SLC35F5: variants seen among roughly 807,000 people sequenced by gnomAD.
SLC35F5 encodes the protein HCV NS5A-transactivated protein 3.
Under a neutral mutation model 68.6 loss-of-function variants are expected in SLC35F5, and 54 were observed. The observed-to-expected ratio is 0.79, with a 90% CI of 0.63 to 0.99. The LOEUF (loss-of-function observed/expected upper bound fraction) is 0.99. Ranked by LOEUF, SLC35F5 falls within the 50% of genes least tolerant of loss-of-function variation. The pLI, the probability that SLC35F5 is intolerant of heterozygous loss-of-function variation, is 0.00. For synonymous variants in SLC35F5, 211 were observed against 205.2 expected, an observed-to-expected ratio of 1.03 and a Z score of -0.24; for missense variants, 567 against 626.9, an observed-to-expected ratio of 0.90 and a Z score of 1.02.
chr2:113,744,552 G>A (rs764152189), intron 5 of SLC35F5, among the ~76,000 whole-genome samples: 5 of 152,090 alleles, frequency 3.3e-5, no homozygotes, highest in Non-Finnish European at 5.9e-5. Context: ...GGGAGTTCGA[G>A]ACCAGCCTGG....
At chr2:113,755,957 A>C (rs1371103644) in intron 1 of SLC35F5, 1 of 1,549,720 alleles carries the variant, frequency 6.5e-7, no homozygotes, top group Non-Finnish European at 8.7e-7. Context: ...TGGTTATCGG[A>C]GAGTAAGTGA....
At chr2:113,754,294 CA>C (rs1209788524) in intron 3 of SLC35F5, among the ~76,000 whole-genome samples, 203 of 87,352 alleles carry the variant, frequency 2.3e-3, no homozygotes, top group African/African-American at 8.6e-3. Context: ...GACTCCATCT[CA>C]AAAAAAAAAG....
chr2:113,732,958 A>G (rs548865999), intron 9 of SLC35F5, among the ~76,000 whole-genome samples: 15 of 152,320 alleles, frequency 9.8e-5, no homozygotes, highest in African/African-American at 3.4e-4. Context: ...TGATGAAATG[A>G]GATTTCTTTG....
chr2:113,755,762 G>T, intron 1 of SLC35F5: 1 of 1,252,298 alleles, frequency 8.0e-7, no homozygotes, highest in Non-Finnish European at 1.1e-6. Flanking sequence ...CGGGCAGGGA[G>T]GGGGAGTAAT....
intron 7 of SLC35F5, among the ~76,000 whole-genome samples, chr2:113,739,296 A>G (rs1430295327): frequency 6.6e-6 from 1 of 152,182 alleles, no homozygotes; most frequent in African/African-American, 2.4e-5. Context: ...ACCTAAAACA[A>G]TGTAAATAGT....
At chr2:113,718,073 T>C (rs896923109) in intron 14 of SLC35F5, among the ~76,000 whole-genome samples, 8 of 151,800 alleles carry the variant, frequency 5.3e-5, no homozygotes, top group African/African-American at 1.9e-4. Context: ...AAATAAGAGA[T>C]ACGGTCTCAC....
chr2:113,706,735 TTAA>T lies in SLC35F5; in HGVS notation c.*8480_*8482del, dbSNP rs1686808837. ...GAAAGAATGAATGAGTGAAAATGTT[TTAA>T]TAAAAGGAAACTAGAAATCAAATAT... On this transcript the variant is annotated 3_prime_UTR_variant, in exon 16 of 16. Coordinates refer to ENST00000245680, the MANE Select transcript of SLC35F5 (RefSeq NM_025181.5). Among the ~76,000 whole-genome samples the T allele has an allele frequency of 6.6e-6, 1 of 152,170 alleles. No individual in the cohort carries two copies. The highest frequency in any genetic ancestry group is 1.5e-5 in the Non-Finnish European group (1 of 68,030).
chr2:113,742,649 C>T, intron 7 of SLC35F5, 43 bp downstream of exon 7: 1 of 1,591,676 alleles, frequency 6.3e-7, no homozygotes, highest in Middle Eastern at 1.7e-4. Flanking sequence ...TCTTAAAATT[C>T]AAGTTTCAAA....
chr2:113,756,540 G>A lies in SLC35F5; in HGVS notation c.-131C>T, dbSNP rs1191291728. On this transcript the variant is annotated 5_prime_UTR_variant, in exon 1 of 16. Transcript: ENST00000245680. ...CTGAAGACGCGGTGCCCCTCAGGGA[G>A]AGGCTCCCGACACCACCCAACTCCA... 1 of 1,481,508 alleles carries A rather than the reference G, an allele frequency of 6.7e-7. No homozygotes were observed. The highest frequency in any genetic ancestry group is 1.4e-5 in the African/African-American group (1 of 71,214). 91.8% of individuals were successfully genotyped at this position (1,481,508 alleles called of 1,614,324 possible).
rs181581107 is a variant in SLC35F5, at chr2:113,755,151, C to T, written c.273+14G>A. ...GCTGTAATGTAACATCATTCCTGGACCAAAGGTACATACCGAAGTAAGTTC... is the reference window on the plus strand; with the variant it reads ...GCTGTAATGTAACATCATTCCTGGATCAAAGGTACATACCGAAGTAAGTTC... On this transcript the variant is annotated intron_variant, in intron 3 of 15. Coordinates refer to ENST00000245680, the MANE Select transcript of SLC35F5 (RefSeq NM_025181.5). 960 of 1,612,544 alleles carry T rather than the reference C, an allele frequency of 6.0e-4. 3 individuals carry two copies. The African/African-American group carries it at 0.01, about 17-fold the overall frequency.
chr2:113,720,990 T>C (rs946873149), intron 13 of SLC35F5, among the ~76,000 whole-genome samples: 15 of 152,092 alleles, frequency 9.9e-5, no homozygotes, highest in Non-Finnish European at 4.4e-5. Context: ...ACAAAATTTT[T>C]TTTTCTAATT....
At position 113,719,190 on chromosome 2, in the gene SLC35F5, ATTC is replaced by A. The variant is rs772737223; in HGVS notation, c.1457_1459del (p.Arg486del). The A allele has an allele frequency of 2.5e-6, 4 of 1,607,242 alleles. No individual in the cohort carries two copies. The highest frequency in any genetic ancestry group is 3.4e-6 in the Non-Finnish European group (4 of 1,178,708). On this transcript the variant is annotated inframe_deletion, in exon 14 of 16. Transcript: ENST00000245680. Reference sequence around the variant, plus strand: ...ATGTTTTCTGCATATAAAAGCAAATATTCTTCTGATTCCCACCATCACAGGATC... The same window carrying A: ...ATGTTTTCTGCATATAAAAGCAAATATTCTGATTCCCACCATCACAGGATC...
intron 6 of SLC35F5, among the ~76,000 whole-genome samples, chr2:113,743,388 G>T (rs1050125522): frequency 1.3e-5 from 2 of 152,148 alleles, no homozygotes; most frequent in African/African-American, 4.8e-5. Flanking sequence ...CTTATAATTT[G>T]CTATTAGGCT....
chr2:113,755,961 T>G (rs1346592236), intron 1 of SLC35F5: 25 of 1,549,536 alleles, frequency 1.6e-5, no homozygotes, highest in Non-Finnish European at 2.2e-5. Context: ...TATCGGAGAG[T>G]AAGTGATTTG....
chr2:113,705,677 A>C (rs1686781276), downstream of SLC35F5: 1 of 152,200 alleles, frequency 6.6e-6, no homozygotes, highest in Admixed American at 6.5e-5. Context: ...ATAAGTAGTC[A>C]AGTAGTCAGA....
Position 113,725,345 on chromosome 2 carries a change from A to G in SLC35F5, c.1250+33T>C, listed in dbSNP as rs76292560. 1.2e-3 allele frequency: 1,959 copies of G among 1,567,472 alleles called. 15 individuals are homozygous for G. The highest frequency in any genetic ancestry group is 0.011 in the East Asian group (487 of 43,888). ...GCTTAAAATATCCAAAAATTAATCA[A>G]CTGATAATAATTGGAGAATAAACAG... is the stretch of plus-strand genomic sequence containing the variant. On this transcript the variant is annotated intron_variant, in intron 12 of 15. Transcript: ENST00000245680.
Position 113,707,867 on chromosome 2 carries a change from TAA to T in SLC35F5, c.*7349_*7350del, listed in dbSNP as rs908022102. Among the ~76,000 whole-genome samples the T allele has an allele frequency of 2.6e-5, 4 of 152,146 alleles. No individual in the cohort carries two copies. Among genetic ancestry groups the T allele is most frequent in the Non-Finnish European group, 5.9e-5 (4 of 68,016 alleles). On this transcript the variant is annotated 3_prime_UTR_variant, in exon 16 of 16. Coordinates refer to ENST00000245680, the MANE Select transcript of SLC35F5 (RefSeq NM_025181.5). ...TGAGCCACCGCACCTGGCCTGAATA[TAA>T]AGACTCATTTTAAATTATACTAGTT...
chr2:113,748,241 C>T (rs928634172), intron 4 of SLC35F5, among the ~76,000 whole-genome samples: 1 of 152,170 alleles, frequency 6.6e-6, no homozygotes, highest in African/African-American at 2.4e-5. Flanking sequence ...TCTCTGCTCA[C>T]TGTAACCTTC....
intron 12 of SLC35F5, among the ~76,000 whole-genome samples, chr2:113,724,064 G>T (rs1687563349): frequency 1.3e-5 from 2 of 152,168 alleles, no homozygotes; most frequent in East Asian, 1.9e-4. Context: ...AATAAAAGGG[G>T]CTATCTCTCA....
Sources: gnomAD v4.1 joint callset for allele counts (sites outside exome capture counted in the v4.1 genomes callset) on GRCh38, gnomAD v4.1.1 for gene constraint, MANE v1.5 for transcripts, NCBI Gene and HGNC (gene_info 2026-07-23, HGNC 2026-07-21) for gene names.